TAX1BP1: variants seen among roughly 807,000 people sequenced by gnomAD.
The protein encoded by TAX1BP1 is Tax1 binding protein 1.
Under a neutral mutation model 97.7 loss-of-function variants are expected in TAX1BP1, and 62 were observed. The observed-to-expected ratio is 0.63, with a 90% CI of 0.52 to 0.78. The LOEUF is 0.78. Among genes scored for constraint, TAX1BP1 ranks in the 30% least tolerant of loss-of-function variants. The pLI is 0.00. For synonymous variants in TAX1BP1, 340 were observed against 304.2 expected, an observed-to-expected ratio of 1.12 and a Z score of -1.23; for missense variants, 867 against 916.1, an observed-to-expected ratio of 0.95 and a Z score of 0.69.
chr7:27,781,125 C>T (rs1029530423), intron 5 of TAX1BP1, among the ~76,000 whole-genome samples: 3 of 152,094 alleles, frequency 2.0e-5, no homozygotes, highest in Non-Finnish European at 4.4e-5. Context: ...TCTCTTCCCC[C>T]TCCTCTCCAC....
Position 27,748,658 on chromosome 7 carries a change from A to G in TAX1BP1, c.134A>G (p.His45Arg). The change falls in exon 2 of 17, where the codon CAT (histidine) becomes CGT (arginine). Residue 45 changes from histidine to arginine, a missense_variant. His to Arg is a conservative substitution (Grantham distance 29, BLOSUM62 0). Around this residue, in one of 3 missense-constraint regions of TAX1BP1, gnomAD observed 822 missense variants for 851.4 expected, o/e 0.97. Transcript: ENST00000396319. ...HYTLTPYIHP[H>R]PKDWVGIFKV... ...ACCTTAACTCCATATATTCATCCAC[A>G]TCCAAAAGATTGGGTTGGTATATTC... 1 of 1,561,260 alleles carries G rather than the reference A, an allele frequency of 6.4e-7. No individual in the cohort carries two copies. Among genetic ancestry groups the G allele is most frequent in the Non-Finnish European group, 8.7e-7 (1 of 1,149,468 alleles).
chr7:27,820,122 A>G lies in TAX1BP1; in HGVS notation c.2085+3084A>G, dbSNP rs186498808. ...GCTATTTTAAAACTGCCTAACCCCA[A>G]TCATTCAAGGCCAGATTATTATCTC... On this transcript the variant is annotated intron_variant, in intron 15 of 16. Transcript: ENST00000396319. 2.5e-3 allele frequency among the ~76,000 whole-genome samples: 378 copies of G among 152,356 alleles called. 2 individuals are homozygous for G. Among genetic ancestry groups the G allele is most frequent in the African/African-American group, 8.6e-3 (358 of 41,586 alleles).
chr7:27,822,434 A>C (rs1445873041), intron 15 of TAX1BP1, among the ~76,000 whole-genome samples: 1 of 152,198 alleles, frequency 6.6e-6, no homozygotes, highest in Non-Finnish European at 1.5e-5. Flanking sequence ...TGTTTACCTA[A>C]ACCTTTTGAA....
intron 1 of TAX1BP1, among the ~76,000 whole-genome samples, chr7:27,742,538 G>A (rs889357462): frequency 6.6e-6 from 1 of 152,178 alleles, no homozygotes; most frequent in Non-Finnish European, 1.5e-5. Flanking sequence ...ATTTTTCTTA[G>A]TACAGAACAA....
At chr7:27,800,166 C>G in intron 13 of TAX1BP1, 76 bp downstream of exon 13, 1 of 1,309,202 alleles carries the variant, frequency 7.6e-7, no homozygotes, top group Non-Finnish European at 1.0e-6. Context: ...TTTATTCAAT[C>G]TAATGTACAT....
chr7:27,800,256 C>G (rs551163787), intron 13 of TAX1BP1, among the ~76,000 whole-genome samples, 166 bp downstream of exon 13: 2 of 152,088 alleles, frequency 1.3e-5, no homozygotes, highest in Non-Finnish European at 2.9e-5. Flanking sequence ...TGTTCATTAA[C>G]TTTGAATTGA....
rs139326914 is a variant in TAX1BP1, at chr7:27,753,060, G to A, written c.162+4374G>A. Among the ~76,000 whole-genome samples the A allele has an allele frequency of 6.0e-3, 909 of 152,186 alleles. 3 individuals are homozygous for A. Among genetic ancestry groups the A allele is most frequent in the Admixed American group, 9.8e-3 (150 of 15,292 alleles). On this transcript the variant is annotated intron_variant, in intron 2 of 16. Transcript: ENST00000396319. ...CACGCCTGTAATCCCAGCACTTTGG[G>A]AGGCTGAAGTGGGCAGATCACTTCA...
chr7:27,781,155 C>G (rs1179755745), intron 5 of TAX1BP1, among the ~76,000 whole-genome samples: 1 of 152,128 alleles, frequency 6.6e-6, no homozygotes, highest in Non-Finnish European at 1.5e-5. Flanking sequence ...AAAAATAGTG[C>G]TTGGATCTGT....
At chr7:27,806,397 C>G (rs1025750935) in intron 13 of TAX1BP1, among the ~76,000 whole-genome samples, 1 of 149,928 alleles carries the variant, frequency 6.7e-6, no homozygotes, top group African/African-American at 2.4e-5. Flanking sequence ...TTTTTTTTAA[C>G]ATTAAAATTT....
intron 2 of TAX1BP1, among the ~76,000 whole-genome samples, chr7:27,750,875 C>T (rs1306236867): frequency 6.6e-6 from 1 of 152,158 alleles, no homozygotes; most frequent in Admixed American, 6.5e-5. Flanking sequence ...TTTACCAAGA[C>T]TATTGCAATA....
At chr7:27,750,390 A>G (rs1787978100) in intron 2 of TAX1BP1, among the ~76,000 whole-genome samples, 1 of 152,226 alleles carries the variant, frequency 6.6e-6, no homozygotes, top group Non-Finnish European at 1.5e-5. Flanking sequence ...GTATAATGCA[A>G]ATACTCCAAA....
At chr7:27,759,390 C>A (rs1788343435) in intron 3 of TAX1BP1, among the ~76,000 whole-genome samples, 1 of 151,914 alleles carries the variant, frequency 6.6e-6, no homozygotes, top group Admixed American at 6.6e-5. Context: ...ATAAGTAATT[C>A]CTGTTAGTGA....
rs1463383714 is a variant in TAX1BP1, at chr7:27,742,772, G to A, written c.-8+2503G>A. On this transcript the variant is annotated intron_variant, in intron 1 of 16. Coordinates refer to ENST00000396319, the MANE Select transcript of TAX1BP1 (RefSeq NM_006024.7). ...TGAGCCACCGCACCCAGCCCATCAC[G>A]TTCTTAAATTGTAGACCGCTGTTTA... is the stretch of plus-strand genomic sequence containing the variant. Among the ~76,000 whole-genome samples the A allele has an allele frequency of 5.3e-5, 8 of 152,084 alleles. No individual in the cohort carries two copies. The East Asian group carries it at 1.5e-3, about 29-fold the overall frequency.
chr7:27,793,144 C>T lies in TAX1BP1; in HGVS notation c.1342C>T (p.His448Tyr). The T allele has an allele frequency of 6.3e-7, 1 of 1,597,802 alleles. No individual in the cohort carries two copies. The highest frequency in any genetic ancestry group is 8.5e-7 in the Non-Finnish European group (1 of 1,176,172). Residue 448 changes from histidine to tyrosine, a missense_variant, in exon 10 of 17, where the codon CAT becomes TAT. His to Tyr is a moderately conservative substitution (Grantham distance 83). Around this residue, in one of 3 missense-constraint regions of TAX1BP1, gnomAD observed 822 missense variants for 851.4 expected, o/e 0.97. Transcript: ENST00000396319. ...ACTCCGTCTTCAGATGGCTGCAGACCATTATAAAGAAAAATTTAAGGAATG... is the reference window on the plus strand; with the variant it reads ...ACTCCGTCTTCAGATGGCTGCAGACTATTATAAAGAAAAATTTAAGGAATG... ...LKLRLQMAADHYKEKFKECQR... is the reference protein window; with the variant it reads ...LKLRLQMAADYYKEKFKECQR...
intron 5 of TAX1BP1, among the ~76,000 whole-genome samples, chr7:27,778,996 T>A (rs1562715927): frequency 6.6e-6 from 1 of 152,152 alleles, no homozygotes; most frequent in Non-Finnish European, 1.5e-5. Flanking sequence ...AGTCACTCCT[T>A]ACATACCCCT....
intron 3 of TAX1BP1, among the ~76,000 whole-genome samples, chr7:27,762,101 A>C (rs1388930492): frequency 1.3e-5 from 2 of 152,194 alleles, no homozygotes; most frequent in Non-Finnish European, 2.9e-5. Flanking sequence ...ATGTGAGTTC[A>C]TGGAACTTGC....
intron 1 of TAX1BP1, among the ~76,000 whole-genome samples, chr7:27,742,119 C>T (rs1787636824): frequency 6.6e-6 from 1 of 152,206 alleles, no homozygotes; most frequent in South Asian, 2.1e-4. Context: ...CAGGGACGGG[C>T]AGGAGACAGA....
At chr7:27,771,957 A>G (rs902008320) in intron 5 of TAX1BP1, 5 of 152,094 alleles carry the variant, frequency 3.3e-5, no homozygotes, top group African/African-American at 1.2e-4. Flanking sequence ...AAGGACTACA[A>G]TATAAAGTGT....
intron 15 of TAX1BP1, among the ~76,000 whole-genome samples, chr7:27,823,900 G>A (rs1241592736): frequency 6.6e-6 from 1 of 152,152 alleles, no homozygotes; most frequent in Non-Finnish European, 1.5e-5. Context: ...TTAGCATAAT[G>A]ACTTCAAGGT....
Sources: gnomAD v4.1 joint callset for allele counts (sites outside exome capture counted in the v4.1 genomes callset) on GRCh38, gnomAD v4.1.1 for gene constraint, gnomAD v4.1.1 regional missense constraint, MANE v1.5 for transcripts, NCBI Gene and HGNC (gene_info 2026-07-23, HGNC 2026-07-21) for gene names.